B3GALNT2: variants seen among roughly 807,000 people sequenced by gnomAD.
B3GALNT2 encodes beta-1,3-N-acetylgalactosaminyltransferase 2.
Under a neutral mutation model 61.1 loss-of-function variants are expected in B3GALNT2, and 53 were observed. The observed-to-expected ratio is 0.87, with a 90% CI of 0.70 to 1.09. B3GALNT2 has a LOEUF of 1.09. Among genes scored for constraint, B3GALNT2 ranks in the 50% least tolerant of loss-of-function variants. The probability of loss-of-function intolerance (pLI) is 0.00; values close to 1 mark genes in which losing one functional copy is unlikely to be tolerated. For missense variants in B3GALNT2, 544 were observed against 623.0 expected (o/e 0.87, Z 1.35); for synonymous variants, 223 against 237.4 (o/e 0.94, Z 0.56).
intron 5 of B3GALNT2, among the ~76,000 whole-genome samples, chr1:235,475,423 G>T (rs1684230870): frequency 6.6e-6 from 1 of 152,044 alleles, no homozygotes; most frequent in African/African-American, 2.4e-5. Context: ...CTGCTTACTG[G>T]ACAAGCTATA....
chr1:235,494,211 A>G (rs930063077), intron 2 of B3GALNT2, among the ~76,000 whole-genome samples: 2 of 152,256 alleles, frequency 1.3e-5, no homozygotes, highest in East Asian at 3.8e-4. Context: ...GCTCTAGAAC[A>G]GAACCTTTTA....
At chr1:235,483,790 T>C (rs1684665565) in intron 4 of B3GALNT2, among the ~76,000 whole-genome samples, 1 of 152,248 alleles carries the variant, frequency 6.6e-6, no homozygotes, top group Non-Finnish European at 1.5e-5. Context: ...ATCCTTCAAA[T>C]ACATTTCCAT....
In B3GALNT2 at chr1:235,448,267, T is replaced by A; in HGVS notation, c.*1939A>T. 1.1e-6 allele frequency: 1 copy of A among 939,870 alleles called. No homozygotes were observed. The highest frequency in any genetic ancestry group is 1.7e-6 in the Non-Finnish European group (1 of 572,572). 58.2% of individuals were successfully genotyped at this position (939,870 alleles called of 1,614,324 possible). ...ACAGATACAGCTATCATTGCAATGA[T>A]ACTGTGGTCTCATCACATGAGCTAG... On this transcript the variant is annotated 3_prime_UTR_variant, in exon 12 of 12. Coordinates refer to ENST00000366600, the MANE Select transcript of B3GALNT2 (RefSeq NM_152490.5).
chr1:235,443,348 G>A (rs1315074742), downstream of B3GALNT2, among the ~76,000 whole-genome samples: 1 of 151,880 alleles, frequency 6.6e-6, no homozygotes, highest in African/African-American at 2.4e-5. Flanking sequence ...CTACACGTGC[G>A]AGCCACCAAC....
chr1:235,454,373 T>TA, intron 9 of B3GALNT2, 58 bp from the exon 10 acceptor site: 1 of 1,466,822 alleles, frequency 6.8e-7, no homozygotes, highest in Admixed American at 1.9e-5. Context: ...CTGCCACTAT[T>TA]AAAACTTGAC....
intron 1 of B3GALNT2, among the ~76,000 whole-genome samples, chr1:235,495,591 A>G (rs1190392037): frequency 6.6e-6 from 1 of 152,090 alleles, no homozygotes; most frequent in Non-Finnish European, 1.5e-5. Flanking sequence ...CTCATTTTTT[A>G]CTGTCAGAAG....
intron 7 of B3GALNT2, chr1:235,464,523 A>C (rs1683594063): frequency 6.8e-6 from 1 of 147,894 alleles, no homozygotes; most frequent in East Asian, 2.0e-4. Context: ...CATCTAGTTC[A>C]TATACCATAA....
intron 4 of B3GALNT2, among the ~76,000 whole-genome samples, chr1:235,481,636 G>T (rs180920515): frequency 1.3e-5 from 2 of 151,962 alleles, no homozygotes; most frequent in African/African-American, 4.8e-5. Context: ...GAGCCATTGC[G>T]CCTGGCTGAT....
chr1:235,476,051 A>G (rs144789356), intron 5 of B3GALNT2, among the ~76,000 whole-genome samples: 75 of 152,318 alleles, frequency 4.9e-4, no homozygotes, highest in Non-Finnish European at 9.7e-4. Context: ...AATCAAGTCT[A>G]TTTAGCCTAA....
rs747403347 is a variant in B3GALNT2 at position 235,465,724 on chromosome 1, A to G, written c.763-10T>C. ...ATGCACCCTCCCCAGCCTGAAAGGA[A>G]TAAGAATGTACTCAGTGATTCATTA... On this transcript the variant is annotated splice_polypyrimidine_tract_variant and intron_variant, in intron 6 of 11. Transcript: ENST00000366600. 3.5e-5 allele frequency: 56 copies of G among 1,612,678 alleles called. No homozygotes were observed. Among genetic ancestry groups the G allele is most frequent in the South Asian group, 1.7e-4 (15 of 90,906 alleles).
downstream of B3GALNT2, chr1:235,442,892 C>T (rs373874343): frequency 2.4e-5 from 39 of 1,613,916 alleles, no homozygotes; most frequent in African/African-American, 4.8e-4. Context: ...ATCAGAAAGT[C>T]CTGGAGAAAC....
At chr1:235,489,873 T>C (rs1684982605) in intron 2 of B3GALNT2, among the ~76,000 whole-genome samples, 1 of 152,194 alleles carries the variant, frequency 6.6e-6, no homozygotes, top group Non-Finnish European at 1.5e-5. Context: ...TCCCACTCAT[T>C]TTATAAAACA....
In B3GALNT2 at chr1:235,504,371, C is replaced by G; in HGVS notation, c.-119G>C. 7.6e-6 allele frequency: 9 copies of G among 1,187,458 alleles called. No homozygotes were observed. In the Admixed American group the frequency reaches 2.4e-4, roughly 31 times the overall value. The allele number at this position is 1,187,458 out of a possible 1,614,324, so 73.6% of individuals were successfully genotyped here. On this transcript the variant is annotated 5_prime_UTR_variant, in exon 1 of 12. Transcript: ENST00000366600. ...CGACCACTCCGAGCACGCCCGCCCT[C>G]GCGCTCGGCGACGTCTGGGGGGCTC...
At chr1:235,479,525 A>G (rs997283005) in intron 5 of B3GALNT2, 2 of 153,356 alleles carry the variant, frequency 1.3e-5, no homozygotes, top group Non-Finnish European at 2.9e-5. Context: ...TCTTTAGTGC[A>G]TATCTAGTTA....
chr1:235,449,975 T>C lies in B3GALNT2; in HGVS notation c.*231A>G. On this transcript the variant is annotated 3_prime_UTR_variant, in exon 12 of 12. Transcript: ENST00000366600. The stretch of plus-strand genomic sequence containing the variant: ...ATAAAATAACTTGGTATTTTTCTGA[T>C]AATCTTCCAATAGATAAATAAAAAC... The C allele has an allele frequency of 2.6e-6, 1 of 378,930 alleles. No individual in the cohort carries two copies. The highest frequency in any genetic ancestry group is 4.2e-5 in the Admixed American group (1 of 23,758). The allele number at this position is 378,930 out of a possible 1,614,324, so 23.5% of individuals were successfully genotyped here.
In B3GALNT2 at chr1:235,450,146, C is replaced by G; in HGVS notation, c.*60G>C. 6.3e-7 allele frequency: 1 copy of G among 1,597,088 alleles called. No homozygotes were observed. Among genetic ancestry groups the G allele is most frequent in the Non-Finnish European group, 8.6e-7 (1 of 1,165,866 alleles). On this transcript the variant is annotated 3_prime_UTR_variant, in exon 12 of 12. Transcript: ENST00000366600. ...CTGCTAAACCCTGGGACTCCTCAGA[C>G]TTGCACTCAGATTATCGTTTGCCTG...
In B3GALNT2 at chr1:235,484,500, A is replaced by G; in HGVS notation, c.377T>C (p.Ile126Thr). 6.2e-7 allele frequency: 1 copy of G among 1,613,976 alleles called. No individual in the cohort carries two copies. The highest frequency in any genetic ancestry group is 8.5e-7 in the Non-Finnish European group (1 of 1,179,954). ...GTCTTCGGACAGACTGAACGCTTCA[A>G]TTTCCTGATTCAAAACTAAGTAATG... ...NITNPVLNQEIEAFSLSEDTS... is the reference protein window; with the variant it reads ...NITNPVLNQETEAFSLSEDTS... The change falls in exon 4 of 12, where the codon ATT becomes ACT. Residue 126 changes from isoleucine (I) to threonine (T), a missense_variant. Physicochemically the swap from Ile to Thr is moderately conservative, Grantham distance 89. Coordinates refer to ENST00000366600, the MANE Select transcript of B3GALNT2 (RefSeq NM_152490.5).
Position 235,450,076 on chromosome 1 carries a change from G to C in B3GALNT2, c.*130C>G. On this transcript the variant is annotated 3_prime_UTR_variant, in exon 12 of 12. Transcript: ENST00000366600. Reference sequence around the variant, plus strand: ...TTAAGAAACACCGCATTGGTTCTGGGTGAAAGTGCCAGTCTGGAACTCTCT... The same window carrying C: ...TTAAGAAACACCGCATTGGTTCTGGCTGAAAGTGCCAGTCTGGAACTCTCT... The C allele has an allele frequency of 3.5e-6, 4 of 1,131,164 alleles. No homozygotes were observed. The highest frequency in any genetic ancestry group is 5.1e-6 in the Non-Finnish European group (4 of 789,830). 70.1% of individuals were successfully genotyped at this position (1,131,164 alleles called of 1,614,324 possible).
chr1:235,463,435 CTAGGT>C (rs1683523605), intron 7 of B3GALNT2: 1 of 150,334 alleles, frequency 6.7e-6, no homozygotes, highest in Admixed American at 6.6e-5. Context: ...AACATTCCAG[CTAGGT>C]TTTCTTTTTT....
Sources: allele counts gnomAD v4.1 joint callset (sites outside exome capture counted in the v4.1 genomes callset), GRCh38; gene constraint gnomAD v4.1.1; transcripts MANE v1.5; gene names NCBI Gene and HGNC (gene_info 2026-07-23, HGNC 2026-07-21).